Variants in BNC2 observed in about 807,000 individuals in gnomAD.
The protein encoded by BNC2 is zinc finger protein basonuclin-2.
A neutral mutation model predicts 76.3 loss-of-function variants in BNC2; 20 were observed. That is an observed-to-expected ratio of 0.26 (90% confidence interval 0.18 to 0.38). BNC2 has a LOEUF of 0.38. Ranked by LOEUF, BNC2 falls within the 10% of genes least tolerant of loss-of-function variation. BNC2 has a pLI of 1.00. For synonymous variants in BNC2, 582 were observed against 514.8 expected, an observed-to-expected ratio of 1.13 and a Z score of -1.77; for missense variants, 1,382 against 1,399.8, an observed-to-expected ratio of 0.99 and a Z score of 0.20.
intron 3 of BNC2, among the ~76,000 whole-genome samples, chr9:16,699,753 T>C (rs1367088036): frequency 6.6e-6 from 1 of 152,176 alleles, no homozygotes; most frequent in Non-Finnish European, 1.5e-5. Context: ...TTATATAACT[T>C]TTACAAAGTC....
intron 1 of BNC2, among the ~76,000 whole-genome samples, chr9:16,833,685 A>G (rs1818635878): frequency 6.6e-6 from 1 of 152,184 alleles, no homozygotes; most frequent in South Asian, 2.1e-4. Flanking sequence ...CTTAAGACAA[A>G]TGGTGTCCCT....
intron 5 of BNC2, among the ~76,000 whole-genome samples, chr9:16,527,468 A>C (rs1817841023): frequency 6.6e-6 from 1 of 152,134 alleles, no homozygotes; most frequent in African/African-American, 2.4e-5. Flanking sequence ...ACCTTTATCA[A>C]ACTGTACGAA....
intron 3 of BNC2, among the ~76,000 whole-genome samples, chr9:16,631,242 T>TA (rs1489173001): frequency 6.6e-6 from 1 of 152,182 alleles, no homozygotes; most frequent in Non-Finnish European, 1.5e-5. Context: ...TTTACATAAT[T>TA]AATGAACCAC....
chr9:16,692,599 A>G (rs1321872814), intron 3 of BNC2, among the ~76,000 whole-genome samples: 1 of 152,172 alleles, frequency 6.6e-6, no homozygotes, highest in Non-Finnish European at 1.5e-5. Flanking sequence ...ATACCAATCC[A>G]ATGAAGGCTG....
At chr9:16,643,348 G>C (rs543044343) in intron 3 of BNC2, among the ~76,000 whole-genome samples, 130 of 150,440 alleles carry the variant, frequency 8.6e-4, no homozygotes, top group African/African-American at 3.0e-3. Context: ...TGGGAGACCA[G>C]AATTTGGGTC....
At chr9:16,481,507 C>A (rs1246193013) in intron 5 of BNC2, among the ~76,000 whole-genome samples, 1 of 152,128 alleles carries the variant, frequency 6.6e-6, no homozygotes, top group Non-Finnish European at 1.5e-5. Flanking sequence ...CACATCCGAA[C>A]ATCAGAAAGA....
chr9:16,618,112 T>C (rs531928465), intron 3 of BNC2, among the ~76,000 whole-genome samples: 29 of 152,236 alleles, frequency 1.9e-4, no homozygotes, highest in African/African-American at 7.0e-4. Flanking sequence ...CCATCAATAA[T>C]CCCTGATCCC....
At chr9:16,807,093 T>TTTCCA (rs1217388077) in intron 1 of BNC2, among the ~76,000 whole-genome samples, 3 of 152,234 alleles carry the variant, frequency 2.0e-5, no homozygotes, top group African/African-American at 7.2e-5. Flanking sequence ...TGACTAACAA[T>TTTCCA]TTCCATTAGG....
At chr9:16,679,780 C>T (rs981717188) in intron 3 of BNC2, among the ~76,000 whole-genome samples, 1 of 152,246 alleles carries the variant, frequency 6.6e-6, no homozygotes, top group African/African-American at 2.4e-5. Flanking sequence ...TTAGCAAGGG[C>T]ACATTATGTG....
intron 1 of BNC2, among the ~76,000 whole-genome samples, chr9:16,823,372 C>T (rs1229687726): frequency 1.4e-5 from 2 of 145,762 alleles, no homozygotes; most frequent in African/African-American, 5.1e-5. Context: ...GGGAGGATCA[C>T]TTGAGCTCAG....
intron 3 of BNC2, among the ~76,000 whole-genome samples, chr9:16,611,869 A>T (rs563984248): frequency 6.9e-4 from 105 of 152,324 alleles, no homozygotes; most frequent in African/African-American, 2.4e-3. Flanking sequence ...AATTTATCAT[A>T]TAAATGTCTC....
intron 5 of BNC2, among the ~76,000 whole-genome samples, chr9:16,543,891 T>G (rs1371822236): frequency 6.6e-6 from 1 of 152,116 alleles, no homozygotes; most frequent in Non-Finnish European, 1.5e-5. Flanking sequence ...TCCAAGCACT[T>G]TAGAAAACAG....
At chr9:16,744,544 ATC>A (rs1824945562) in intron 1 of BNC2, among the ~76,000 whole-genome samples, 1 of 152,178 alleles carries the variant, frequency 6.6e-6, no homozygotes, top group Non-Finnish European at 1.5e-5. Context: ...TCAAGTACTT[ATC>A]TCTGTCTTCT....
chr9:16,581,483 G>A (rs975115862), intron 4 of BNC2, among the ~76,000 whole-genome samples: 22 of 152,128 alleles, frequency 1.4e-4, no homozygotes, highest in Admixed American at 9.8e-4. Flanking sequence ...GCTTGAACCC[G>A]GGAGTTGGAG....
chr9:16,758,361 A>G (rs1554724134), intron 1 of BNC2, among the ~76,000 whole-genome samples: 1 of 146,212 alleles, frequency 6.8e-6, no homozygotes, highest in African/African-American at 2.5e-5. Flanking sequence ...TTTTTTTTAG[A>G]TGGAGTTTCA....
Position 16,727,870 on chromosome 9 carries a change from G to A in BNC2, c.257C>T (p.Thr86Ile), listed in dbSNP as rs375140619. ...DNSMQFGTRT[T>I]TAEPGFMGTW... ...CCCCATGAACCCTGGTTCAGCCGTA[G>A]TCGTTCTGGTTCCGAACTGCATGGA... is the stretch of plus-strand genomic sequence containing the variant. The change falls in exon 3 of 7, where the codon ACT (threonine) becomes ATT (isoleucine). Residue 86 changes from threonine to isoleucine, a missense_variant. Around this residue, in one of 3 missense-constraint regions of BNC2, gnomAD observed 557 missense variants for 540.9 expected, o/e 1.03. Transcript: ENST00000380672. 76 of 1,614,084 alleles carry A rather than the reference G, an allele frequency of 4.7e-5. 1 individual carries two copies. Among genetic ancestry groups the A allele is most frequent in the Non-Finnish European group, 6.2e-5 (73 of 1,180,040 alleles).
chr9:16,870,291 C>A (rs1014754122), intron 1 of BNC2, among the ~76,000 whole-genome samples: 1 of 152,148 alleles, frequency 6.6e-6, no homozygotes, highest in African/African-American at 2.4e-5. Context: ...CCCTCCACCT[C>A]GTCCCCCCAG....
Position 16,418,913 on chromosome 9 carries a change from A to G in BNC2, c.*76T>C, listed in dbSNP as rs1329265438. The G allele has an allele frequency of 2.0e-6, 3 of 1,493,442 alleles. No individual in the cohort carries two copies. The highest frequency in any genetic ancestry group is 1.1e-5 in the South Asian group (1 of 87,476). The allele number at this position is 1,493,442 out of a possible 1,614,324, so 92.5% of individuals were successfully genotyped here. On this transcript the variant is annotated 3_prime_UTR_variant, in exon 7 of 7. Coordinates refer to ENST00000380672, the MANE Select transcript of BNC2 (RefSeq NM_017637.6). ...CACACACACACACCCCAAGTACATA[A>G]GCGCACACTGACTATGGCAGTTCAA...
At chr9:16,493,952 A>G (rs991149364) in intron 5 of BNC2, among the ~76,000 whole-genome samples, 6 of 152,108 alleles carry the variant, frequency 3.9e-5, no homozygotes, top group Admixed American at 3.3e-4. Context: ...ACGAGGGTAG[A>G]GAGGCAGGCA....
Sources: allele counts gnomAD v4.1 joint callset (sites outside exome capture counted in the v4.1 genomes callset), GRCh38; gene constraint gnomAD v4.1.1; regional missense constraint gnomAD v4.1.1; transcripts MANE v1.5; gene names NCBI Gene and HGNC (gene_info 2026-07-23, HGNC 2026-07-21).